RAP1A: variants seen among roughly 807,000 people sequenced by gnomAD.
The protein encoded by RAP1A is RAP1A, member of RAS oncogene family, also known as ras-related protein Rap-1A.
RAP1A carries 6 observed loss-of-function variants against 26.4 expected under a neutral mutation model. That is an observed-to-expected ratio of 0.23 (90% CI 0.12 to 0.45). The LOEUF is 0.45. Among genes scored for constraint, RAP1A ranks in the 20% least tolerant of loss-of-function variants. The pLI is 0.99. For synonymous variants in RAP1A, 73 were observed against 79.4 expected, an observed-to-expected ratio of 0.92 and a Z score of 0.43; for missense variants, 121 against 217.2, an observed-to-expected ratio of 0.56 and a Z score of 2.78.
chr1:111,609,196 G>T (rs955171620), intron 1 of RAP1A, among the ~76,000 whole-genome samples: 7 of 152,134 alleles, frequency 4.6e-5, no homozygotes, highest in African/African-American at 7.2e-5. Flanking sequence ...CGATGCACAT[G>T]CCCTGGCTTT....
intron 1 of RAP1A, among the ~76,000 whole-genome samples, chr1:111,605,428 T>A (rs1334640283): frequency 6.6e-6 from 1 of 152,234 alleles, no homozygotes; most frequent in East Asian, 1.9e-4. Context: ...TCCAATCATT[T>A]TGGTCTTCGT....
chr1:111,549,338 CT>C (rs1198122316), intron 1 of RAP1A, among the ~76,000 whole-genome samples: 1 of 137,958 alleles, frequency 7.2e-6, no homozygotes, highest in African/African-American at 2.7e-5. Context: ...TGTCTTTTTC[CT>C]TTTTTTCCCC....
intron 1 of RAP1A, among the ~76,000 whole-genome samples, chr1:111,621,034 A>G (rs753694446): frequency 6.6e-6 from 1 of 152,210 alleles, no homozygotes; most frequent in Non-Finnish European, 1.5e-5. Context: ...GGGAGGAGGT[A>G]TAAGAAATGA....
At chr1:111,668,891 A>C (rs1660882476) in intron 1 of RAP1A, among the ~76,000 whole-genome samples, 1 of 151,862 alleles carries the variant, frequency 6.6e-6, no homozygotes. Context: ...TTAGCTGGGC[A>C]TGGTGGTGTG....
rs114399347 is a variant in RAP1A, at chr1:111,664,220, A to G, written c.-27-27114A>G. Among the ~76,000 whole-genome samples the G allele has an allele frequency of 2.8e-3, 419 of 152,080 alleles. 3 individuals are homozygous for G. The highest frequency in any genetic ancestry group is 9.6e-3 in the African/African-American group (397 of 41,496). Reference sequence around the variant, plus strand: ...AAAACCCTGCCTACTACAAATACAAAAAAATTATCCGGGCATGGTGGCACA... The same window carrying G: ...AAAACCCTGCCTACTACAAATACAAGAAAATTATCCGGGCATGGTGGCACA... On this transcript the variant is annotated intron_variant, in intron 1 of 7. Transcript: ENST00000369709.
At chr1:111,546,307 C>T (rs563321772) in intron 1 of RAP1A, among the ~76,000 whole-genome samples, 1 of 152,198 alleles carries the variant, frequency 6.6e-6, no homozygotes, top group East Asian at 1.9e-4. Flanking sequence ...AACTGTACAG[C>T]TCAGTGGCAT....
chr1:111,674,108 G>A (rs1174521683), intron 1 of RAP1A, among the ~76,000 whole-genome samples: 1 of 152,148 alleles, frequency 6.6e-6, no homozygotes, highest in Non-Finnish European at 1.5e-5. Flanking sequence ...AATGATCCAT[G>A]CTATATTAGG....
upstream of RAP1A, chr1:111,542,192 G>C (rs1557842602): frequency 2.1e-5 from 11 of 532,738 alleles, 1 homozygote; most frequent in South Asian, 1.0e-4. Flanking sequence ...AAGGAAGATC[G>C]TTTAGACCAG....
chr1:111,694,081 T>A (rs943712071), intron 2 of RAP1A, among the ~76,000 whole-genome samples: 5 of 152,058 alleles, frequency 3.3e-5, no homozygotes, highest in African/African-American at 1.2e-4. Context: ...GTAGAGACAG[T>A]CTCACTATGT....
intron 1 of RAP1A, among the ~76,000 whole-genome samples, chr1:111,690,044 T>C (rs1661621198): frequency 6.6e-6 from 1 of 152,200 alleles, no homozygotes; most frequent in Non-Finnish European, 1.5e-5. Flanking sequence ...GTTAATTTTA[T>C]ATGGTTGAGT....
chr1:111,591,227 G>A (rs1471769399), intron 1 of RAP1A, among the ~76,000 whole-genome samples: 3 of 152,028 alleles, frequency 2.0e-5, no homozygotes, highest in African/African-American at 4.8e-5. Flanking sequence ...CCTATGTAGC[G>A]ATTTTCTTTT....
At chr1:111,560,392 T>A (rs764774229) in intron 1 of RAP1A, among the ~76,000 whole-genome samples, 7 of 151,822 alleles carry the variant, frequency 4.6e-5, no homozygotes, top group Non-Finnish European at 7.4e-5. Context: ...TTCACTAAGT[T>A]CTTAACAAAT....
chr1:111,688,026 CAAAA>C (rs58107878), intron 1 of RAP1A, among the ~76,000 whole-genome samples: 790 of 51,662 alleles, frequency 0.015, 6 homozygotes, highest in East Asian at 0.1. Flanking sequence ...GACCCTGTCT[CAAAA>C]AAAAAAAAAA....
At chr1:111,563,736 T>C in intron 1 of RAP1A, 1 of 757,586 alleles carries the variant, frequency 1.3e-6, no homozygotes, top group East Asian at 2.5e-5. Context: ...GACAAAGCAT[T>C]GATTAAGTAG....
chr1:111,621,590 C>A (rs918977744), intron 1 of RAP1A, among the ~76,000 whole-genome samples: 1 of 152,134 alleles, frequency 6.6e-6, no homozygotes, highest in African/African-American at 2.4e-5. Flanking sequence ...GTTATTAAAT[C>A]TTCTGTCCTT....
chr1:111,543,149 A>C (rs1465787485), intron 1 of RAP1A, among the ~76,000 whole-genome samples: 1 of 152,206 alleles, frequency 6.6e-6, no homozygotes, highest in African/African-American at 2.4e-5. Flanking sequence ...CACACAGCGC[A>C]GGTGACAGCT....
intron 1 of RAP1A, among the ~76,000 whole-genome samples, chr1:111,610,576 A>C (rs1276895212): frequency 1.6e-5 from 2 of 122,370 alleles, no homozygotes; most frequent in Non-Finnish European, 1.7e-5. Flanking sequence ...ACACACACAC[A>C]CACACCCAAC....
At chr1:111,574,556 A>G (rs769116757) in intron 1 of RAP1A, among the ~76,000 whole-genome samples, 12 of 152,212 alleles carry the variant, frequency 7.9e-5, no homozygotes, top group Non-Finnish European at 1.5e-4. Flanking sequence ...CAGTTTGGCC[A>G]TTTTAATGAT....
intron 1 of RAP1A, among the ~76,000 whole-genome samples, chr1:111,669,044 A>AAG (rs1329791375): frequency 2.7e-5 from 4 of 148,990 alleles, no homozygotes; most frequent in Non-Finnish European, 2.9e-5. Context: ...AAAAAAAAAA[A>AAG]AAAAGAAAGA....
Sources: allele counts gnomAD v4.1 joint callset (sites outside exome capture counted in the v4.1 genomes callset), GRCh38; gene constraint gnomAD v4.1.1; transcripts MANE v1.5; gene names NCBI Gene and HGNC (gene_info 2026-07-23, HGNC 2026-07-21).